The following TASP1 variants were observed in gnomAD, a reference collection of about 807,000 sequenced individuals.
TASP1 encodes threonine aspartase 1.
Under a neutral mutation model 56.6 loss-of-function variants are expected in TASP1, and 16 were observed. That is an observed-to-expected ratio of 0.28 (90% CI 0.19 to 0.43). TASP1 has a LOEUF of 0.43. TASP1 is among the 20% of genes least tolerant of loss of function. TASP1 has a pLI of 1.00. For synonymous variants in TASP1, 179 were observed against 184.2 expected (o/e 0.97, Z 0.23); for missense variants, 393 against 511.6 (o/e 0.77, Z 2.24).
the TASP1 span, among the ~76,000 whole-genome samples, chr20:13,335,704 T>G: frequency 1.3e-5 from 2 of 151,760 alleles, no homozygotes; most frequent in African/African-American, 4.8e-5. Context: ...AAAAGAGCTC[T>G]TGAAAATAAA....
the TASP1 span, among the ~76,000 whole-genome samples, chr20:13,210,556 G>A: frequency 1.1e-4 from 17 of 151,978 alleles, no homozygotes; most frequent in Non-Finnish European, 2.4e-4. Flanking sequence ...TATACATAGT[G>A]CAGTCTATGT....
the TASP1 span, chr20:13,368,749 G>C: frequency 5.3e-5 from 8 of 152,310 alleles, no homozygotes; most frequent in Admixed American, 4.6e-4. Flanking sequence ...CTGCTGGTTA[G>C]GTGGTGCCTG....
the TASP1 span, chr20:13,244,354 G>A: frequency 6.9e-6 from 1 of 144,234 alleles, no homozygotes; most frequent in Non-Finnish European, 1.5e-5. Flanking sequence ...CTGAAATATG[G>A]AGGATTACCA....
chr20:13,387,168 G>A (rs2041168682), downstream of TASP1, among the ~76,000 whole-genome samples: 1 of 144,848 alleles, frequency 6.9e-6, no homozygotes, highest in South Asian at 2.1e-4. Context: ...CATGTTGCCA[G>A]AGAGGACATG....
intron 11 of TASP1, among the ~76,000 whole-genome samples, chr20:13,458,133 T>C (rs1178732281): frequency 1.3e-5 from 2 of 152,046 alleles, no homozygotes; most frequent in East Asian, 3.9e-4. Context: ...AACCTCAATC[T>C]AGTGTGTAAA....
intron 11 of TASP1, among the ~76,000 whole-genome samples, chr20:13,473,556 A>G (rs1035874184): frequency 6.6e-6 from 1 of 152,144 alleles, no homozygotes; most frequent in African/African-American, 2.4e-5. Context: ...ATTAAGAAAA[A>G]TTGCTTGTTT....
At chr20:13,176,840 A>T in the TASP1 span, among the ~76,000 whole-genome samples, 5 of 152,352 alleles carry the variant, frequency 3.3e-5, no homozygotes, top group Admixed American at 3.3e-4. Context: ...AAAGAAATTA[A>T]TAAGTTTATC....
intron 6 of TASP1, among the ~76,000 whole-genome samples, chr20:13,571,563 A>G (rs1207851659): frequency 1.3e-5 from 2 of 152,144 alleles, no homozygotes; most frequent in Non-Finnish European, 2.9e-5. Context: ...ATCATCTGAT[A>G]CCTACAATGC....
At chr20:13,475,023 T>G (rs1248082080) in intron 11 of TASP1, among the ~76,000 whole-genome samples, 2 of 152,138 alleles carry the variant, frequency 1.3e-5, no homozygotes, top group African/African-American at 4.8e-5. Context: ...AACACATAAT[T>G]TGTCAAACAC....
At chr20:13,216,074 T>C in the TASP1 span, among the ~76,000 whole-genome samples, 1 of 152,250 alleles carries the variant, frequency 6.6e-6, no homozygotes, top group African/African-American at 2.4e-5. Context: ...AAAAGTTTCA[T>C]TCATTGAATA....
the TASP1 span, among the ~76,000 whole-genome samples, chr20:13,144,922 C>G: frequency 2.0e-5 from 3 of 152,028 alleles, no homozygotes; most frequent in Non-Finnish European, 4.4e-5. Context: ...CTACAGGCAC[C>G]CGCCACCACG....
At chr20:13,532,460 C>T (rs2045258295) in intron 9 of TASP1, among the ~76,000 whole-genome samples, 1 of 152,158 alleles carries the variant, frequency 6.6e-6, no homozygotes, top group South Asian at 2.1e-4. Flanking sequence ...TCTATCCAAG[C>T]ATTATAATCC....
chr20:13,176,159 G>A, the TASP1 span, among the ~76,000 whole-genome samples: 1 of 152,154 alleles, frequency 6.6e-6, no homozygotes, highest in Admixed American at 6.5e-5. Flanking sequence ...ATATAGGAGA[G>A]TTTAACTGTA....
At chr20:13,185,022 T>A in the TASP1 span, among the ~76,000 whole-genome samples, 1 of 151,636 alleles carries the variant, frequency 6.6e-6, no homozygotes, top group Non-Finnish European at 1.5e-5. Flanking sequence ...TATGGAAGAT[T>A]AAAAAAATAA....
the TASP1 span, among the ~76,000 whole-genome samples, chr20:13,278,407 G>A: frequency 6.6e-6 from 1 of 152,164 alleles, no homozygotes; most frequent in Non-Finnish European, 1.5e-5. Flanking sequence ...TCGTCTTGAG[G>A]AGCTTGTACT....
At chr20:13,620,606 A>T (rs1442398130) in intron 4 of TASP1, among the ~76,000 whole-genome samples, 1 of 152,230 alleles carries the variant, frequency 6.6e-6, no homozygotes, top group African/African-American at 2.4e-5. Context: ...TTTTAAATCA[A>T]AAAGTATATC....
At chr20:13,480,447 A>C (rs1370855797) in intron 11 of TASP1, among the ~76,000 whole-genome samples, 2 of 152,208 alleles carry the variant, frequency 1.3e-5, no homozygotes, top group African/African-American at 4.8e-5. Flanking sequence ...CTTGCAAACT[A>C]AGTTTCAGCT....
At chr20:13,376,424 A>G in the TASP1 span, among the ~76,000 whole-genome samples, 160 of 152,012 alleles carry the variant, frequency 1.1e-3, no homozygotes, top group African/African-American at 3.6e-3. Context: ...GTTCTGTTCC[A>G]TTGGTCTATA....
At chr20:13,220,811 C>T in the TASP1 span, among the ~76,000 whole-genome samples, 1 of 152,222 alleles carries the variant, frequency 6.6e-6, no homozygotes, top group Admixed American at 6.5e-5. Flanking sequence ...TTGTCCGGCG[C>T]CCCCTCCGTT....
Sources: gnomAD v4.1 joint callset for allele counts (sites outside exome capture counted in the v4.1 genomes callset) on GRCh38, gnomAD v4.1.1 for gene constraint, MANE v1.5 for transcripts, NCBI Gene and HGNC (gene_info 2026-07-23, HGNC 2026-07-21) for gene names.